Variants in PINX1 observed in about 807,000 individuals in gnomAD.
PINX1 encodes PIN2 (TERF1) interacting telomerase inhibitor 1.
PINX1 carries 34 observed loss-of-function variants against 25.4 expected under a neutral mutation model. That is an observed-to-expected ratio of 1.34 (90% CI 1.02 to 1.78). PINX1 has a LOEUF of 1.78. Ranked by LOEUF, PINX1 falls within the 40% of genes most tolerant of loss-of-function variation. The probability of loss-of-function intolerance (pLI) is 0.00; values close to 1 mark genes in which losing one functional copy is unlikely to be tolerated. For missense variants in PINX1, 592 were observed against 404.9 expected, an observed-to-expected ratio of 1.46 and a Z score of -3.97; for synonymous variants, 197 against 147.7, an observed-to-expected ratio of 1.33 and a Z score of -2.42.
intron 4 of PINX1, among the ~76,000 whole-genome samples, chr8:10,831,304 C>A (rs1457647394): frequency 6.6e-6 from 1 of 152,158 alleles, no homozygotes; most frequent in Non-Finnish European, 1.5e-5. Context: ...TATGTAGGAA[C>A]AGCTAAAGAT....
chr8:10,792,317 C>T (rs935099801), intron 6 of PINX1, among the ~76,000 whole-genome samples: 4 of 151,980 alleles, frequency 2.6e-5, no homozygotes, highest in East Asian at 3.9e-4. Context: ...ACCCTTTTGT[C>T]CTTTATGGAC....
intron 3 of PINX1, 81 bp from the exon 4 acceptor site, chr8:10,831,824 G>C: frequency 1.3e-6 from 1 of 760,430 alleles, no homozygotes; most frequent in Non-Finnish European, 2.3e-6. Flanking sequence ...TGGAATCAAG[G>C]AAATCCAGTG....
chr8:10,767,613 T>A (rs1801095148), intron 6 of PINX1, among the ~76,000 whole-genome samples: 1 of 152,218 alleles, frequency 6.6e-6, no homozygotes, highest in Non-Finnish European at 1.5e-5. Flanking sequence ...GAAAAAGAGC[T>A]GAAATGCTGC....
chr8:10,795,455 C>T (rs1049889806), intron 6 of PINX1, among the ~76,000 whole-genome samples: 2 of 152,210 alleles, frequency 1.3e-5, no homozygotes, highest in South Asian at 2.1e-4. Flanking sequence ...GGCTGGAGTG[C>T]GGTGGCGCGA....
At chr8:10,779,063 G>C (rs1030096105) in intron 6 of PINX1, among the ~76,000 whole-genome samples, 2 of 152,188 alleles carry the variant, frequency 1.3e-5, no homozygotes, top group African/African-American at 2.4e-5. Context: ...CTTCCATTTT[G>C]GAATGGAGGG....
chr8:10,834,846 G>A (rs2129090962), intron 1 of PINX1, 71 bp from the exon 2 acceptor site: 2 of 1,018,484 alleles, frequency 2.0e-6, no homozygotes, highest in African/African-American at 1.6e-5. Flanking sequence ...ACATACACAT[G>A]CACAACTTTG....
At position 10,832,886 on chromosome 8, in the gene PINX1, G is replaced by C. The variant is rs200191266; in HGVS notation, c.222+6C>G. The stretch of plus-strand genomic sequence containing the variant: ...AGACACCCAGGAGGCACACACTGCT[G>C]CTCACTTCATTATTGATGGTAGCTC... On this transcript the variant is annotated splice_donor_region_variant and intron_variant, in intron 3 of 6. Transcript: ENST00000314787. 5.6e-4 allele frequency: 877 copies of C among 1,576,920 alleles called. No individual in the cohort carries two copies. The highest frequency in any genetic ancestry group is 7.1e-4 in the Non-Finnish European group (819 of 1,147,398).
Position 10,765,594 on chromosome 8 carries a change from C to T in PINX1, c.794G>A (p.Cys265Tyr), listed in dbSNP as rs150489215. Residue 265 changes from cysteine to tyrosine, a missense_variant, in exon 7 of 7, where the codon TGC becomes TAC. Physicochemically the swap from Cys to Tyr is radical, Grantham distance 194. Transcript: ENST00000314787. ...AGAGGCCTTGGAACTCTGGTCCCAG[C>T]AGGGGCCTCTGAGCTGCTCTTCTGC... Reference protein sequence around the residue: ...APAEEQLRGPCWDQSSKASAQ... With the variant: ...APAEEQLRGPYWDQSSKASAQ... 1.3e-3 allele frequency: 2,147 copies of T among 1,613,720 alleles called. 24 individuals carry two copies. In the East Asian group the frequency reaches 0.018, roughly 14 times the overall value.
chr8:10,820,233 T>A lies in PINX1; in HGVS notation c.431A>T (p.Asp144Val). Residue 144 changes from aspartate (D) to valine (V), a missense_variant, in exon 6 of 7, where the codon GAC becomes GTC. Physicochemically the swap from Asp to Val is radical, Grantham distance 152 (BLOSUM62 -3). Coordinates refer to ENST00000314787, the MANE Select transcript of PINX1 (RefSeq NM_017884.6). ...DLSSRSKTDLDCIFGKRQSKK... is the reference protein window; with the variant it reads ...DLSSRSKTDLVCIFGKRQSKK... ...ACTCTGTCTTTTCCCAAAAATGCAG[T>A]CAAGATCTGTTTTGCTCCGAGATGA... The A allele has an allele frequency of 6.2e-7, 1 of 1,613,008 alleles. No individual in the cohort carries two copies. Among genetic ancestry groups the A allele is most frequent in the Non-Finnish European group, 8.5e-7 (1 of 1,179,130 alleles).
intron 6 of PINX1, among the ~76,000 whole-genome samples, chr8:10,814,492 A>G (rs1037424285): frequency 6.6e-6 from 1 of 152,232 alleles, no homozygotes; most frequent in African/African-American, 2.4e-5. Flanking sequence ...ACTATTCTAG[A>G]GTGAAATGCA....
At chr8:10,766,497 C>G (rs1402028752) in intron 6 of PINX1, among the ~76,000 whole-genome samples, 1 of 152,216 alleles carries the variant, frequency 6.6e-6, no homozygotes. Context: ...AGCGTGGCCG[C>G]TCTGGCAGCT....
rs779781506 is a variant in PINX1 at position 10,834,649 on chromosome 8, G to A, written c.129+17C>T. On this transcript the variant is annotated intron_variant, in intron 2 of 6. Coordinates refer to ENST00000314787, the MANE Select transcript of PINX1 (RefSeq NM_017884.6). ...CTTTTCATAGCTCAGATTTTTTTCC[G>A]CTTTTCTCCAAAATACCTTTCCTTT... The A allele has an allele frequency of 3.1e-6, 5 of 1,606,502 alleles. No individual in the cohort carries two copies. The highest frequency in any genetic ancestry group is 2.2e-5 in the East Asian group (1 of 44,650).
intron 6 of PINX1, among the ~76,000 whole-genome samples, chr8:10,801,257 G>A (rs1047586919): frequency 5.9e-5 from 9 of 152,238 alleles, no homozygotes; most frequent in African/African-American, 2.2e-4. Flanking sequence ...TTACGAAAGC[G>A]TGCTTCCAAC....
chr8:10,807,158 C>G (rs113775577), intron 6 of PINX1, among the ~76,000 whole-genome samples: 2,411 of 152,178 alleles, frequency 0.016, 48 homozygotes, highest in Non-Finnish European at 0.019. Context: ...AACACAATGC[C>G]TCCAGAGGCC....
Position 10,790,619 on chromosome 8 carries a change from C to G in PINX1, c.472-24703G>C, listed in dbSNP as rs111473960. 9.6e-3 allele frequency among the ~76,000 whole-genome samples: 1,457 copies of G among 152,250 alleles called. 14 individuals are homozygous for G. Among genetic ancestry groups the G allele is most frequent in the South Asian group, 0.034 (165 of 4,820 alleles). On this transcript the variant is annotated intron_variant, in intron 6 of 6. Coordinates refer to ENST00000314787, the MANE Select transcript of PINX1 (RefSeq NM_017884.6). ...CCCAACATGACTCCACCAAGCTGCC[C>G]CTTTCTCTTTGGGTCTTGCCACCAC... is the stretch of plus-strand genomic sequence containing the variant.
Position 10,765,916 on chromosome 8 carries a change from C to A in PINX1, c.472G>T (p.Gly158Cys), listed in dbSNP as rs1300651627. 1 of 1,612,428 alleles carries A rather than the reference C, an allele frequency of 6.2e-7. No homozygotes were observed. Among genetic ancestry groups the A allele is most frequent in the Non-Finnish European group, 8.5e-7 (1 of 1,179,356 alleles). Residue 158 changes from glycine to cysteine, a missense_variant and splice_region_variant, in exon 7 of 7, where the codon GGC (glycine) becomes TGC (cysteine). Transcript: ENST00000314787. Reference protein sequence around the residue: ...GKRQSKKTPEGDASPSTPEEN... With the variant: ...GKRQSKKTPECDASPSTPEEN... Reference sequence around the variant, plus strand: ...TCTGGAGTGGAGGGACTGGCATCGCCCTATGGTGGGCAGAAGAGTTAAAAG... The same window carrying A: ...TCTGGAGTGGAGGGACTGGCATCGCACTATGGTGGGCAGAAGAGTTAAAAG...
intron 6 of PINX1, among the ~76,000 whole-genome samples, chr8:10,819,966 A>C (rs2129085639): frequency 6.6e-6 from 1 of 152,354 alleles, no homozygotes; most frequent in African/African-American, 2.4e-5. Flanking sequence ...AAAGAACAAA[A>C]GCCAAACACC....
chr8:10,820,149 G>C, intron 6 of PINX1, 44 bp downstream of exon 6: 1 of 1,214,154 alleles, frequency 8.2e-7, no homozygotes, highest in Non-Finnish European at 1.2e-6. Flanking sequence ...GTGAAAATCA[G>C]ACAGTATTAA....
intron 6 of PINX1, among the ~76,000 whole-genome samples, chr8:10,819,693 AAT>A (rs2129085554): frequency 6.6e-6 from 1 of 152,346 alleles, no homozygotes; most frequent in South Asian, 2.1e-4. Flanking sequence ...AATATTGTAT[AAT>A]AGAGGAAATA....
Sources: gnomAD v4.1 joint callset for allele counts (sites outside exome capture counted in the v4.1 genomes callset) on GRCh38, gnomAD v4.1.1 for gene constraint, MANE v1.5 for transcripts, NCBI Gene and HGNC (gene_info 2026-07-23, HGNC 2026-07-21) for gene names.